Variants in CNTNAP5 observed in about 807,000 individuals in gnomAD.
CNTNAP5 encodes contactin-associated protein-like 5.
Under a neutral mutation model 150.2 loss-of-function variants are expected in CNTNAP5, and 72 were observed. The observed-to-expected ratio is 0.48, with a 90% CI of 0.40 to 0.58. The LOEUF is 0.58. CNTNAP5 is among the 20% of genes least tolerant of loss of function. The pLI is 0.00. For missense variants in CNTNAP5, 1,636 were observed against 1,626.2 expected (o/e 1.01, Z -0.10); for synonymous variants, 672 against 619.8 (o/e 1.08, Z -1.25).
intron 10 of CNTNAP5, among the ~76,000 whole-genome samples, chr2:124,554,281 T>C (rs2104920608): frequency 6.6e-6 from 1 of 152,298 alleles, no homozygotes; most frequent in Non-Finnish European, 1.5e-5. Context: ...GATTTGTTAG[T>C]GAACAAACAG....
At position 124,576,034 on chromosome 2, in the gene CNTNAP5, G is replaced by A. The variant is rs184816190; in HGVS notation, c.1756+12711G>A. Among the ~76,000 whole-genome samples, 772 of 152,104 alleles carry A rather than the reference G, an allele frequency of 5.1e-3. 14 individuals carry two copies. Among genetic ancestry groups the A allele is most frequent in the Non-Finnish European group, 2.4e-3 (163 of 68,004 alleles). On this transcript the variant is annotated intron_variant, in intron 11 of 23. Transcript: ENST00000682447. ...TATTTCTTAAAGATCCTCACACTAC[G>A]TCCCCATTTGCTCTCAAACTAGCTT...
intron 3 of CNTNAP5, among the ~76,000 whole-genome samples, chr2:124,304,335 T>C (rs541214039): frequency 6.6e-6 from 1 of 152,216 alleles, no homozygotes; most frequent in Admixed American, 6.5e-5. Flanking sequence ...AGCACTAACA[T>C]TTGTGCTAAG....
At chr2:124,327,642 C>T (rs1689252114) in intron 3 of CNTNAP5, among the ~76,000 whole-genome samples, 1 of 152,184 alleles carries the variant, frequency 6.6e-6, no homozygotes, top group African/African-American at 2.4e-5. Context: ...GTAACCCAGA[C>T]ATTCCTTTCT....
intron 14 of CNTNAP5, among the ~76,000 whole-genome samples, chr2:124,755,779 CATGTAATAACACT>C (rs1285733393): frequency 6.6e-6 from 1 of 152,120 alleles, no homozygotes. Flanking sequence ...TGAGCTAATT[CATGTAATAACACT>C]TAGAATACAC....
intron 3 of CNTNAP5, among the ~76,000 whole-genome samples, chr2:124,283,265 A>C (rs530791725): frequency 7.0e-4 from 106 of 152,268 alleles, no homozygotes; most frequent in African/African-American, 2.3e-3. Context: ...GCAGGCAGCC[A>C]GGCCTTTTTA....
intron 19 of CNTNAP5, among the ~76,000 whole-genome samples, chr2:124,825,225 C>T (rs1682568410): frequency 6.6e-6 from 1 of 152,080 alleles, no homozygotes; most frequent in Non-Finnish European, 1.5e-5. Context: ...TGCCTCTTAC[C>T]TTTAATAAGG....
At chr2:124,140,306 C>G (rs1304701824) in intron 1 of CNTNAP5, among the ~76,000 whole-genome samples, 8 of 151,784 alleles carry the variant, frequency 5.3e-5, no homozygotes, top group East Asian at 2.0e-4. Context: ...GGAGGCCTGC[C>G]TGCCTCTGTA....
intron 8 of CNTNAP5, among the ~76,000 whole-genome samples, chr2:124,522,056 C>T (rs1447687820): frequency 6.6e-6 from 1 of 152,192 alleles, no homozygotes; most frequent in Non-Finnish European, 1.5e-5. Context: ...AGGTGTCCTA[C>T]ATCTGGGATG....
intron 3 of CNTNAP5, among the ~76,000 whole-genome samples, chr2:124,273,402 T>C (rs968739701): frequency 5.3e-5 from 8 of 152,182 alleles, no homozygotes; most frequent in Non-Finnish European, 1.0e-4. Context: ...CAGGTTCCCC[T>C]TATTGAGTAT....
intron 10 of CNTNAP5, among the ~76,000 whole-genome samples, chr2:124,548,223 A>G (rs184061068): frequency 6.6e-6 from 1 of 152,308 alleles, no homozygotes; most frequent in East Asian, 1.9e-4. Flanking sequence ...TTGGATGCAG[A>G]ATCTATTTCT....
In CNTNAP5 at chr2:124,607,068, T is replaced by C. The variant is rs117035393; in HGVS notation, c.1757-2733T>C. Among the ~76,000 whole-genome samples the C allele has an allele frequency of 2.5e-3, 388 of 152,312 alleles. 12 individuals carry two copies. In the East Asian group the frequency reaches 0.063, roughly 25 times the overall value. On this transcript the variant is annotated intron_variant, in intron 11 of 23. Coordinates refer to ENST00000682447, the MANE Select transcript of CNTNAP5 (RefSeq NM_001367498.1). ...CTTACTACAACAGTATGAGGGAGGC[T>C]CTTTTTGAGTTACTGTAGTCTAATG...
At chr2:124,443,375 T>C (rs1307340560) in intron 5 of CNTNAP5, among the ~76,000 whole-genome samples, 2 of 151,644 alleles carry the variant, frequency 1.3e-5, no homozygotes, top group Non-Finnish European at 2.9e-5. Context: ...GATAAAGATT[T>C]TCAGGATAGA....
At chr2:124,139,125 T>C (rs112898145) in intron 1 of CNTNAP5, among the ~76,000 whole-genome samples, 1,840 of 152,218 alleles carry the variant, frequency 0.012, 31 homozygotes, top group African/African-American at 0.041. Context: ...GAGTTTTTTT[T>C]TCCCCCATAA....
intron 3 of CNTNAP5, among the ~76,000 whole-genome samples, chr2:124,357,100 T>A (rs1199858955): frequency 6.6e-6 from 1 of 152,230 alleles, no homozygotes; most frequent in Non-Finnish European, 1.5e-5. Context: ...TGCATAAATG[T>A]CTTCTTTTGA....
At chr2:124,218,277 C>T (rs1205161076) in intron 1 of CNTNAP5, among the ~76,000 whole-genome samples, 1 of 152,108 alleles carries the variant, frequency 6.6e-6, no homozygotes, top group Non-Finnish European at 1.5e-5. Flanking sequence ...GAACATTAGG[C>T]AAAAATAGGC....
chr2:124,490,552 G>T (rs1044823525), intron 7 of CNTNAP5, among the ~76,000 whole-genome samples: 1 of 152,024 alleles, frequency 6.6e-6, no homozygotes, highest in East Asian at 1.9e-4. Context: ...TATGTAAGAA[G>T]TAAAACAATT....
At chr2:124,239,864 T>C (rs796464079) in intron 2 of CNTNAP5, among the ~76,000 whole-genome samples, 17 of 152,258 alleles carry the variant, frequency 1.1e-4, no homozygotes, top group African/African-American at 4.1e-4. Flanking sequence ...CAGAGGGGAA[T>C]GGGAATTGTG....
chr2:124,145,684 A>T (rs1684222320), intron 1 of CNTNAP5, among the ~76,000 whole-genome samples: 1 of 132,334 alleles, frequency 7.6e-6, no homozygotes, highest in Admixed American at 7.8e-5. Context: ...TGGGAGATAT[A>T]CCTAATGCTA....
chr2:124,790,241 T>C, intron 18 of CNTNAP5, 100 bp downstream of exon 18: 1 of 1,270,454 alleles, frequency 7.9e-7, no homozygotes, highest in Non-Finnish European at 1.1e-6. Context: ...GTCTTTATCA[T>C]CTACTCTCCC....
Sources: allele counts gnomAD v4.1 joint callset (sites outside exome capture counted in the v4.1 genomes callset), GRCh38; gene constraint gnomAD v4.1.1; transcripts MANE v1.5; gene names NCBI Gene and HGNC (gene_info 2026-07-23, HGNC 2026-07-21).